Variants in GNB1L observed in about 807,000 individuals in gnomAD.
GNB1L encodes the protein guanine nucleotide-binding protein subunit beta-like protein 1.
In GNB1L, 20 loss-of-function variants were observed where a neutral mutation model predicts 29.1. The ratio of observed to expected loss-of-function variants is 0.69; its 90% CI spans 0.48 to 1.00. GNB1L has a LOEUF of 1.00. Ranked by LOEUF, GNB1L falls within the 50% of genes least tolerant of loss-of-function variation. GNB1L has a pLI of 0.00. For missense variants in GNB1L, 421 were observed against 464.9 expected (o/e 0.91, Z 0.87); for synonymous variants, 193 against 206.5 (o/e 0.93, Z 0.56).
chr22:19,803,108 G>A (rs1184080557), intron 6 of GNB1L, among the ~76,000 whole-genome samples: 1 of 152,210 alleles, frequency 6.6e-6, no homozygotes, highest in East Asian at 1.9e-4. Context: ...GCTGGTGATG[G>A]GAACCGGGGT....
intron 7 of GNB1L, among the ~76,000 whole-genome samples, chr22:19,789,626 C>T (rs970975208): frequency 1.3e-4 from 20 of 152,092 alleles, no homozygotes; most frequent in African/African-American, 3.6e-4. Context: ...GCACGAGACC[C>T]GGAGCCACAC....
chr22:19,810,665 T>A (rs1006069268), intron 5 of GNB1L, among the ~76,000 whole-genome samples: 2 of 151,634 alleles, frequency 1.3e-5, no homozygotes, highest in African/African-American at 4.9e-5. Context: ...GAAGGAAAAA[T>A]GTTAGGTTTG....
At chr22:19,822,306 G>A (rs898574147) in intron 2 of GNB1L, among the ~76,000 whole-genome samples, 5 of 152,080 alleles carry the variant, frequency 3.3e-5, no homozygotes, top group East Asian at 1.9e-4. Context: ...GGAGAGCTGC[G>A]GTCACAGATG....
chr22:19,826,377 A>C lies in GNB1L; in HGVS notation c.-20-5002T>G, dbSNP rs538550197. On this transcript the variant is annotated intron_variant, in intron 2 of 7. Transcript: ENST00000329517. ...CAGGCCTCAAGGAATTCACTTTAGAATAAGTCCTAAGAAGTGCAAGGTTGT... is the reference window on the plus strand; with the variant it reads ...CAGGCCTCAAGGAATTCACTTTAGACTAAGTCCTAAGAAGTGCAAGGTTGT... Among the ~76,000 whole-genome samples the C allele has an allele frequency of 1.3e-5, 2 of 152,244 alleles. 1 individual carries two copies. Among genetic ancestry groups the C allele is most frequent in the Admixed American group, 1.3e-4 (2 of 15,284 alleles).
At chr22:19,793,736 T>C (rs1937276833) in intron 7 of GNB1L, among the ~76,000 whole-genome samples, 1 of 152,188 alleles carries the variant, frequency 6.6e-6, no homozygotes, top group African/African-American at 2.4e-5. Context: ...AGAAACAATG[T>C]AACAACATCT....
intron 2 of GNB1L, 54 bp from the exon 3 acceptor site, chr22:19,821,429 G>A (rs1290113951): frequency 3.9e-6 from 6 of 1,545,184 alleles, no homozygotes; most frequent in Non-Finnish European, 5.3e-6. Context: ...TCACCCTCTA[G>A]GAAGGCTGCT....
Position 19,812,284 on chromosome 22 carries a change from C to G in GNB1L, c.417+1G>C. The G allele has an allele frequency of 6.2e-7, 1 of 1,611,922 alleles. No homozygotes were observed. Reference sequence around the variant, plus strand: ...GGGGCCTCAGGCAGGCTGGCTCTCACCTCGTCGCTGCCCCTCCCTGGCACG... The same window carrying G: ...GGGGCCTCAGGCAGGCTGGCTCTCAGCTCGTCGCTGCCCCTCCCTGGCACG... On this transcript the variant is annotated splice_donor_variant, in intron 5 of 7. Transcript: ENST00000329517. LOFTEE classifies it high-confidence loss of function.
At chr22:19,820,463 G>T in intron 4 of GNB1L, 135 bp downstream of exon 4, 1 of 951,292 alleles carries the variant, frequency 1.1e-6, no homozygotes, top group Admixed American at 2.4e-5. Context: ...CCCTGCCCTT[G>T]CTGCGGACCC....
chr22:19,784,163 C>G lies in GNB1L; in HGVS notation c.*4546G>C, dbSNP rs773586453. 1.3e-5 allele frequency: 2 copies of G among 152,242 alleles called. No homozygotes were observed. The highest frequency in any genetic ancestry group is 2.9e-5 in the Non-Finnish European group (2 of 68,042). The allele number at this position is 152,242 out of a possible 1,614,324, so 9.4% of individuals were successfully genotyped here. ...AGTATAAGCATTTCTAAAGAACCCC[C>G]GGAGGGTTGTTTTTCTTTGTGCAAA... On this transcript the variant is annotated 3_prime_UTR_variant, in exon 8 of 8. Transcript: ENST00000329517.
rs1937452776 is a variant in GNB1L, at chr22:19,807,731, G to A, written c.418-974C>T. Among the ~76,000 whole-genome samples, 4 of 152,216 alleles carry A rather than the reference G, an allele frequency of 2.6e-5. No homozygotes were observed. The South Asian group carries it at 8.3e-4, about 32-fold the overall frequency. On this transcript the variant is annotated intron_variant, in intron 5 of 7. Coordinates refer to ENST00000329517, the MANE Select transcript of GNB1L (RefSeq NM_053004.3). ...CTCTGAGTAGGCAGAACTCATACCA[G>A]TTGGTCCAGCGGTCTCTGGCCCCTC...
At chr22:19,837,080 C>T (rs1159726747) in intron 2 of GNB1L, among the ~76,000 whole-genome samples, 3 of 152,008 alleles carry the variant, frequency 2.0e-5, no homozygotes, top group African/African-American at 7.2e-5. Context: ...CATTCTCCCA[C>T]CTCAGCCTCC....
intron 2 of GNB1L, chr22:19,846,605 T>C: frequency 1.0e-6 from 1 of 961,132 alleles, no homozygotes; most frequent in Non-Finnish European, 1.2e-6. Flanking sequence ...TCAATATTTT[T>C]ATGTTCAAGT....
intron 2 of GNB1L, among the ~76,000 whole-genome samples, chr22:19,840,519 T>C (rs762724422): frequency 6.6e-6 from 1 of 151,996 alleles, no homozygotes; most frequent in Non-Finnish European, 1.5e-5. Flanking sequence ...TGATAGAAAA[T>C]CCAGGAATGG....
chr22:19,802,431 C>T (rs1276169040), intron 6 of GNB1L, among the ~76,000 whole-genome samples: 1 of 152,208 alleles, frequency 6.6e-6, no homozygotes, highest in Admixed American at 6.5e-5. Flanking sequence ...ACTGGCACGG[C>T]TGCCCTTAGG....
At chr22:19,836,664 C>G (rs1265061183) in intron 2 of GNB1L, among the ~76,000 whole-genome samples, 2 of 152,152 alleles carry the variant, frequency 1.3e-5, no homozygotes. Context: ...GCTTAAGTCT[C>G]AAGTTGGGGA....
chr22:19,815,490 G>T (rs1937520787), intron 4 of GNB1L, among the ~76,000 whole-genome samples: 1 of 152,234 alleles, frequency 6.6e-6, no homozygotes, highest in Non-Finnish European at 1.5e-5. Context: ...CAGGGCCAAG[G>T]GAGGGGAGGT....
At chr22:19,800,665 C>T (rs935936773) in intron 7 of GNB1L, among the ~76,000 whole-genome samples, 5 of 152,318 alleles carry the variant, frequency 3.3e-5, no homozygotes, top group African/African-American at 4.8e-5. Context: ...GAAGCTCTGC[C>T]GCTTACATCA....
At chr22:19,840,620 G>A (rs1257511900) in intron 2 of GNB1L, among the ~76,000 whole-genome samples, 3 of 152,110 alleles carry the variant, frequency 2.0e-5, no homozygotes, top group African/African-American at 7.2e-5. Context: ...GGCCAGCCTG[G>A]CCAACATGGT....
At chr22:19,822,316 G>A (rs1410168104) in intron 2 of GNB1L, among the ~76,000 whole-genome samples, 1 of 152,178 alleles carries the variant, frequency 6.6e-6, no homozygotes. Context: ...GGTCACAGAT[G>A]AGCAGCTGTT....
Sources: allele counts gnomAD v4.1 joint callset (sites outside exome capture counted in the v4.1 genomes callset), GRCh38; gene constraint gnomAD v4.1.1; transcripts MANE v1.5; gene names NCBI Gene and HGNC (gene_info 2026-07-23, HGNC 2026-07-21).